The following FBN1 variants were observed in gnomAD, a reference collection of about 807,000 sequenced individuals.
FBN1 encodes fibrillin 1.
A neutral mutation model predicts 365.1 loss-of-function variants in FBN1; 29 were observed. The observed-to-expected ratio is 0.08, with a 90% CI of 0.06 to 0.11. The LOEUF is 0.11. Among genes scored for constraint, FBN1 ranks in the 10% least tolerant of loss-of-function variants. The pLI, the probability that FBN1 is intolerant of heterozygous loss-of-function variation, is 1.00. For missense variants in FBN1, 2,476 were observed against 3,703.2 expected (o/e 0.67, Z 8.60); for synonymous variants, 1,210 against 1,270.5 (o/e 0.95, Z 1.01).
chr15:48,479,586 T>G (rs565145611), intron 32 of FBN1, among the ~76,000 whole-genome samples: 2 of 152,302 alleles, frequency 1.3e-5, no homozygotes, highest in East Asian at 3.9e-4. Flanking sequence ...AGAGCTCAAG[T>G]GTTTCTTTGA....
rs755791852 is a variant in FBN1, at chr15:48,474,597, T to C, written c.4018A>G (p.Thr1340Ala). Residue 1340 changes from threonine (T) to alanine (A), a missense_variant, in exon 33 of 66, where the codon ACC becomes GCC. Physicochemically the swap from Thr to Ala is moderately conservative, Grantham distance 58. Coordinates refer to ENST00000316623, the MANE Select transcript of FBN1 (RefSeq NM_000138.5). ...AHNCGKHAVC[T>A]NTAGSFKCSC... ...CATTTGAAGCTTCCTGCTGTATTGG[T>C]ACATACAGCATGTTTGCCACAGTTG... 6.2e-7 allele frequency: 1 copy of C among 1,613,884 alleles called. No homozygotes were observed.
chr15:48,428,155 G>GA (rs2042994881), intron 57 of FBN1, 191 bp downstream of exon 57: 1 of 732,594 alleles, frequency 1.4e-6, no homozygotes, highest in Non-Finnish European at 2.3e-6. Context: ...ATTAGCAAAG[G>GA]AAGAATTTAG....
At chr15:48,489,355 C>G (rs1029886539) in intron 25 of FBN1, among the ~76,000 whole-genome samples, 1 of 151,906 alleles carries the variant, frequency 6.6e-6, no homozygotes, top group African/African-American at 2.4e-5. Context: ...AGCTCAAGAT[C>G]TCATTAATAT....
intron 4 of FBN1, among the ~76,000 whole-genome samples, chr15:48,607,357 C>T (rs568231779): frequency 2.1e-5 from 1 of 48,744 alleles, no homozygotes; most frequent in East Asian, 9.1e-4. Context: ...TATATATACA[C>T]ATACATATAC....
intron 41 of FBN1, 109 bp from the exon 42 acceptor site, chr15:48,463,349 G>A: frequency 1.8e-6 from 2 of 1,101,840 alleles, no homozygotes. Context: ...GAATTGTATT[G>A]TAGCTTGACT....
At chr15:48,589,663 G>T (rs537251278) in intron 6 of FBN1, among the ~76,000 whole-genome samples, 1 of 142,506 alleles carries the variant, frequency 7.0e-6, no homozygotes, top group South Asian at 2.2e-4. Context: ...GCCCAGGCTG[G>T]AGTGCAGTGG....
chr15:48,491,377 G>A (rs188387858), intron 24 of FBN1, among the ~76,000 whole-genome samples: 34 of 149,550 alleles, frequency 2.3e-4, no homozygotes, highest in African/African-American at 8.4e-4. Context: ...TAGAGACGGA[G>A]TCTCACTCTT....
At chr15:48,528,040 A>C (rs1214794949) in intron 8 of FBN1, among the ~76,000 whole-genome samples, 1 of 152,262 alleles carries the variant, frequency 6.6e-6, no homozygotes, top group Non-Finnish European at 1.5e-5. Flanking sequence ...AGGAAGCTAT[A>C]ATTGTAATTA....
intron 2 of FBN1, among the ~76,000 whole-genome samples, chr15:48,621,671 C>T (rs1392535427): frequency 6.6e-6 from 1 of 152,154 alleles, no homozygotes; most frequent in African/African-American, 2.4e-5. Flanking sequence ...AAGGAATAGA[C>T]TTTAATCACT....
At chr15:48,575,319 A>ATATGTATGTATG (rs56083230) in intron 6 of FBN1, among the ~76,000 whole-genome samples, 2 of 149,864 alleles carry the variant, frequency 1.3e-5, no homozygotes, top group South Asian at 2.1e-4. Flanking sequence ...ATGTATTTAC[A>ATATGTATGTATG]TATGTATGTA....
At chr15:48,570,541 G>C (rs376762865) in intron 6 of FBN1, among the ~76,000 whole-genome samples, 24 of 151,822 alleles carry the variant, frequency 1.6e-4, no homozygotes, top group African/African-American at 5.8e-4. Flanking sequence ...GAAGATTATG[G>C]AGACAGTCAT....
In FBN1 at chr15:48,412,821, C is replaced by G. The variant is rs905180226; in HGVS notation, c.8052-78G>C. ...AGGTGGTACAAGAGTTCTGGTGAAG[C>G]CTGTTCCTTGCAGTTGTGAGATACA... On this transcript the variant is annotated intron_variant, in intron 64 of 65. Transcript: ENST00000316623. 1.5e-5 allele frequency: 23 copies of G among 1,551,842 alleles called. No homozygotes were observed. In the East Asian group the frequency reaches 3.6e-4, roughly 24 times the overall value.
chr15:48,489,019 A>G (rs1161499432), intron 25 of FBN1, among the ~76,000 whole-genome samples: 1 of 151,996 alleles, frequency 6.6e-6, no homozygotes, highest in Non-Finnish European at 1.5e-5. Flanking sequence ...ATATTTTCTT[A>G]ATGTATATAC....
In FBN1 at chr15:48,441,921, A is replaced by C. The variant is rs1413732815; in HGVS notation, c.6038-75T>G. On this transcript the variant is annotated intron_variant, in intron 49 of 65. Transcript: ENST00000316623. Reference sequence around the variant, plus strand: ...ATCAGGTACCAAACACACAATGTGGACACACAAAGGGCAACTGAGTTTCCA... The same window carrying C: ...ATCAGGTACCAAACACACAATGTGGCCACACAAAGGGCAACTGAGTTTCCA... The C allele has an allele frequency of 2.0e-6, 3 of 1,527,312 alleles. No homozygotes were observed. In the Admixed American group the frequency reaches 5.0e-5, roughly 26 times the overall value. 94.6% of individuals were successfully genotyped at this position (1,527,312 alleles called of 1,614,324 possible). A position where few individuals can be genotyped will look rare whatever the true frequency, so the allele number is the denominator to read the frequency against.
intron 48 of FBN1, 106 bp downstream of exon 48, chr15:48,445,270 C>T: frequency 2.4e-6 from 3 of 1,264,380 alleles, no homozygotes; most frequent in Non-Finnish European, 3.4e-6. Flanking sequence ...TCTACTCTGA[C>T]TTTTCCTCCA....
At chr15:48,499,336 T>C (rs967012482) in intron 17 of FBN1, among the ~76,000 whole-genome samples, 2 of 152,244 alleles carry the variant, frequency 1.3e-5, no homozygotes, top group African/African-American at 4.8e-5. Flanking sequence ...GGGAACACTT[T>C]ACACTTACGG....
chr15:48,620,554 T>C (rs1308770736), intron 2 of FBN1, among the ~76,000 whole-genome samples: 1 of 152,206 alleles, frequency 6.6e-6, no homozygotes, highest in African/African-American at 2.4e-5. Flanking sequence ...TTAGCATTTT[T>C]TGCACGAGTC....
intron 31 of FBN1, 140 bp from the exon 32 acceptor site, chr15:48,481,920 G>T: frequency 2.4e-6 from 2 of 830,352 alleles, no homozygotes; most frequent in South Asian, 1.6e-5. Context: ...AATTTTAGAG[G>T]CCAATTTACA....
chr15:48,415,632 C>A lies in FBN1; in HGVS notation c.7955G>T (p.Cys2652Phe). Residue 2652 changes from cysteine (C) to phenylalanine (F), a missense_variant, in exon 64 of 66, where the codon TGT becomes TTT. This residue lies in a region of FBN1 where 1,780 missense variants were observed against 2,840.8 expected (regional missense o/e 0.63). Coordinates refer to ENST00000316623, the MANE Select transcript of FBN1 (RefSeq NM_000138.5). ...GCTGCAGGGGGCCTGCGCAGAGCCACATTCATTGATGTCTTGGCATCCTCC... is the reference window on the plus strand; with the variant it reads ...GCTGCAGGGGGCCTGCGCAGAGCCAAATTCATTGATGTCTTGGCATCCTCC... The part of the protein sequence containing the change: ...FSGGCQDINE[C>F]GSAQAPCSYG... 6.2e-7 allele frequency: 1 copy of A among 1,614,256 alleles called. No homozygotes were observed.
Sources: gnomAD v4.1 joint callset for allele counts (sites outside exome capture counted in the v4.1 genomes callset) on GRCh38, gnomAD v4.1.1 for gene constraint, gnomAD v4.1.1 regional missense constraint, MANE v1.5 for transcripts, NCBI Gene and HGNC (gene_info 2026-07-23, HGNC 2026-07-21) for gene names.